The following ZFAND1 variants were observed in gnomAD, a reference collection of about 807,000 sequenced individuals.
ZFAND1 encodes AN1-type zinc finger protein 1.
A neutral mutation model predicts 38.5 loss-of-function variants in ZFAND1; 40 were observed. The observed-to-expected ratio is 1.04, with a 90% CI of 0.81 to 1.35. The LOEUF (loss-of-function observed/expected upper bound fraction) is 1.35, where lower values mean the gene tolerates loss of function less well. Ranked by LOEUF, ZFAND1 falls within the 40% of genes most tolerant of loss-of-function variation. The pLI is 0.00. For synonymous variants in ZFAND1, 117 were observed against 103.6 expected (o/e 1.13, Z -0.78); for missense variants, 346 against 316.3 (o/e 1.09, Z -0.71).
At chr8:81,712,377 T>G (rs996523145) in intron 6 of ZFAND1, among the ~76,000 whole-genome samples, 4 of 152,026 alleles carry the variant, frequency 2.6e-5, no homozygotes, top group Non-Finnish European at 4.4e-5. Context: ...GTTCTGAAGA[T>G]CTCAACATTA....
At chr8:81,705,993 A>G (rs1807968834) in intron 6 of ZFAND1, among the ~76,000 whole-genome samples, 1 of 152,238 alleles carries the variant, frequency 6.6e-6, no homozygotes, top group African/African-American at 2.4e-5. Context: ...ATGGTGAAGT[A>G]GCACTATTTA....
intron 7 of ZFAND1, 37 bp from the exon 8 acceptor site, chr8:81,702,902 A>C (rs1807854213): frequency 1.9e-6 from 3 of 1,551,694 alleles, no homozygotes; most frequent in Non-Finnish European, 1.7e-6. Flanking sequence ...GTAATAAATA[A>C]ACATGCTTGA....
intron 6 of ZFAND1, chr8:81,708,748 G>A (rs747890118): frequency 9.5e-6 from 11 of 1,159,128 alleles, no homozygotes; most frequent in Non-Finnish European, 1.2e-5. Context: ...TTGGCCACAA[G>A]AGGCAGTATA....
At chr8:81,716,152 A>T (rs1808304227) in intron 3 of ZFAND1, among the ~76,000 whole-genome samples, 1 of 152,224 alleles carries the variant, frequency 6.6e-6, no homozygotes, top group African/African-American at 2.4e-5. Flanking sequence ...TAACTGAGAG[A>T]ACAGATGTGA....
intron 6 of ZFAND1, among the ~76,000 whole-genome samples, chr8:81,710,308 T>C (rs1189193038): frequency 6.6e-6 from 1 of 152,212 alleles, no homozygotes; most frequent in African/African-American, 2.4e-5. Context: ...TTTTGATAGT[T>C]ATACTTGTTA....
At chr8:81,709,039 G>C (rs1431857006) in intron 6 of ZFAND1, among the ~76,000 whole-genome samples, 1 of 152,096 alleles carries the variant, frequency 6.6e-6, no homozygotes. Flanking sequence ...ACACACTCTT[G>C]GGAATTTATC....
At chr8:81,713,830 T>G in intron 6 of ZFAND1, 88 bp downstream of exon 6, 1 of 1,284,238 alleles carries the variant, frequency 7.8e-7, no homozygotes, top group Non-Finnish European at 1.1e-6. Flanking sequence ...AGGTTTAGGT[T>G]AGTTGTTAAT....
rs1807811518 is a variant in ZFAND1, at chr8:81,701,549, G to A, written c.*1146C>T. On this transcript the variant is annotated 3_prime_UTR_variant, in exon 8 of 8. Coordinates refer to ENST00000220669, the MANE Select transcript of ZFAND1 (RefSeq NM_024699.3). ...CAATATTTCCAAGGTATACCTGTAT[G>A]TATACATATCATCATTGTATTAATC... 6.6e-6 allele frequency: 1 copy of A among 152,132 alleles called. No individual in the cohort carries two copies. Among genetic ancestry groups the A allele is most frequent in the South Asian group, 2.1e-4 (1 of 4,832 alleles). The allele number at this position is 152,132 out of a possible 1,614,324, so 9.4% of individuals were successfully genotyped here.
At chr8:81,719,102 T>C (rs533652790) in intron 1 of ZFAND1, among the ~76,000 whole-genome samples, 96 of 152,160 alleles carry the variant, frequency 6.3e-4, no homozygotes, top group East Asian at 2.1e-3. Flanking sequence ...AAGATCAGAA[T>C]AGTAATACAG....
intron 1 of ZFAND1, among the ~76,000 whole-genome samples, chr8:81,718,930 G>A (rs899698487): frequency 6.6e-6 from 1 of 151,748 alleles, no homozygotes; most frequent in Non-Finnish European, 1.5e-5. Context: ...AAAATAGAAA[G>A]ATATAGACAG....
At chr8:81,718,301 T>C in intron 1 of ZFAND1, 77 bp from the exon 2 acceptor site, 2 of 1,247,766 alleles carry the variant, frequency 1.6e-6, no homozygotes, top group Non-Finnish European at 2.2e-6. Flanking sequence ...AGACAACCTC[T>C]ATGGAAAAAC....
intron 2 of ZFAND1, 96 bp downstream of exon 2, chr8:81,718,086 G>C: frequency 9.9e-7 from 1 of 1,008,440 alleles, no homozygotes. Context: ...AATGGCTAAA[G>C]TAACAATTAT....
rs1563608927 is a variant in ZFAND1, at chr8:81,715,008, C to A, written c.245G>T (p.Cys82Phe). The change falls in exon 4 of 8, where the codon TGT becomes TTT. Residue 82 changes from cysteine to phenylalanine, a missense_variant. By Grantham distance (205) the Cys-to-Phe change is radical (BLOSUM62 -2). Transcript: ENST00000220669. ...RELVAVICPY[C>F]EKNFCLRHRH... ...TCACCTCAGGCAAAAATTCTTCTCA[C>A]AATAAGGACATATAACTGCCACAAG... 1.2e-6 allele frequency: 2 copies of A among 1,614,012 alleles called. No homozygotes were observed. The highest frequency in any genetic ancestry group is 1.7e-6 in the Non-Finnish European group (2 of 1,179,930).
chr8:81,716,052 T>C (rs1411244239), intron 3 of ZFAND1, among the ~76,000 whole-genome samples: 1 of 152,256 alleles, frequency 6.6e-6, no homozygotes, highest in Non-Finnish European at 1.5e-5. Context: ...ATAGATCACG[T>C]AAACTTCAAA....
At chr8:81,721,174 C>CG in intron 1 of ZFAND1, 53 bp downstream of exon 1, 1 of 1,541,462 alleles carries the variant, frequency 6.5e-7, no homozygotes, top group Non-Finnish European at 8.7e-7. Context: ...GGAGCCAAAG[C>CG]GGAGCCCTGG....
At chr8:81,712,434 A>C (rs1311974855) in intron 6 of ZFAND1, among the ~76,000 whole-genome samples, 3 of 152,104 alleles carry the variant, frequency 2.0e-5, no homozygotes, top group Non-Finnish European at 4.4e-5. Context: ...ATCTGCAGAA[A>C]AAACTCACAA....
intron 6 of ZFAND1, chr8:81,708,723 A>C: frequency 9.2e-7 from 1 of 1,092,502 alleles, no homozygotes; most frequent in Non-Finnish European, 1.1e-6. Flanking sequence ...ATGGAGAAAA[A>C]GGGTACTCTC....
rs1253920564 is a variant in ZFAND1 at position 81,713,967 on chromosome 8, G to GCA, written c.429_430dup (p.Ala144ValfsTer3). On this transcript the variant is annotated frameshift_variant, in exon 6 of 8. Coordinates refer to ENST00000220669, the MANE Select transcript of ZFAND1 (RefSeq NM_024699.3). LOFTEE classifies it high-confidence loss of function. ...AGCATGCATCTTTAATTTCATCAAT[G>GCA]CAACCTTTGCAGCTGTTTCACTATT... is the stretch of plus-strand genomic sequence containing the variant. 6.2e-7 allele frequency: 1 copy of GCA among 1,612,712 alleles called. No homozygotes were observed. The highest frequency in any genetic ancestry group is 8.5e-7 in the Non-Finnish European group (1 of 1,179,664).
At chr8:81,713,625 G>GA (rs1177948998) in intron 6 of ZFAND1, among the ~76,000 whole-genome samples, 2 of 151,402 alleles carry the variant, frequency 1.3e-5, no homozygotes, top group African/African-American at 2.4e-5. Context: ...GCAAAAAATT[G>GA]AAAAAAATCC....
Sources: allele counts gnomAD v4.1 joint callset (sites outside exome capture counted in the v4.1 genomes callset), GRCh38; gene constraint gnomAD v4.1.1; transcripts MANE v1.5; gene names NCBI Gene and HGNC (gene_info 2026-07-23, HGNC 2026-07-21).